The following TRIP13 variants were observed in gnomAD, a reference collection of about 807,000 sequenced individuals.
TRIP13 encodes pachytene checkpoint protein 2 homolog.
A neutral mutation model predicts 54.4 loss-of-function variants in TRIP13; 25 were observed. The observed-to-expected ratio is 0.46, with a 90% CI of 0.33 to 0.64. The LOEUF (loss-of-function observed/expected upper bound fraction) is 0.64. Among genes scored for constraint, TRIP13 ranks in the 30% least tolerant of loss-of-function variants. The pLI is 0.02. For synonymous variants in TRIP13, 207 were observed against 207.8 expected (o/e 1.00, Z 0.03); for missense variants, 373 against 534.2 (o/e 0.70, Z 2.97).
rs1391550664 is a variant in TRIP13, at chr5:911,557, C to T, written c.867-286C>T. On this transcript the variant is annotated intron_variant, in intron 9 of 12. Coordinates refer to ENST00000166345, the MANE Select transcript of TRIP13 (RefSeq NM_004237.4). This position sits in a 1 kb window ranked among gnomAD's most constrained non-coding sequence, Gnocchi z 4.7. ...CTGCACTCCAGCCTGGGCGAAAGAG[C>T]GAGACTCTGTCTCAAAAAAAAAAAA... is the stretch of plus-strand genomic sequence containing the variant. Among the ~76,000 whole-genome samples the T allele has an allele frequency of 2.0e-5, 3 of 147,950 alleles. No homozygotes were observed. The highest frequency in any genetic ancestry group is 2.2e-4 in the South Asian group (1 of 4,620).
chr5:894,510 G>A (rs1753854701), intron 1 of TRIP13, among the ~76,000 whole-genome samples: 2 of 152,210 alleles, frequency 1.3e-5, no homozygotes, highest in Admixed American at 6.5e-5. Flanking sequence ...CACTTTGAGT[G>A]TATTAATGAC....
At chr5:902,271 G>C (rs1396401187) in intron 5 of TRIP13, among the ~76,000 whole-genome samples, 1 of 152,156 alleles carries the variant, frequency 6.6e-6, no homozygotes, top group Non-Finnish European at 1.5e-5. Context: ...TGAAACTGTA[G>C]CCAAGTGTTA....
intron 1 of TRIP13, 57 bp downstream of exon 1, chr5:893,147 C>A: frequency 6.8e-7 from 1 of 1,467,520 alleles, no homozygotes. Context: ...GACCCCAGCG[C>A]GTGCACCGAG....
At chr5:896,565 C>A in intron 2 of TRIP13, 100 bp from the exon 3 acceptor site, 1 of 1,285,282 alleles carries the variant, frequency 7.8e-7, no homozygotes, top group Non-Finnish European at 1.1e-6. Flanking sequence ...TTATACTGTA[C>A]ATTCAGTTTT....
rs1050871475 is a variant in TRIP13 at position 912,460 on chromosome 5, G to A, written c.1020+464G>A. Among the ~76,000 whole-genome samples, 17 of 152,284 alleles carry A rather than the reference G, an allele frequency of 1.1e-4. No individual in the cohort carries two copies. Among genetic ancestry groups the A allele is most frequent in the South Asian group, 2.1e-4 (1 of 4,814 alleles). ...GAGTCGCCTGTTGTGATGATAGGCA[G>A]GAACACTGTTGCCGTGGGCAGAGCG... On this transcript the variant is annotated intron_variant, in intron 10 of 12. Coordinates refer to ENST00000166345, the MANE Select transcript of TRIP13 (RefSeq NM_004237.4). This position sits in a 1 kb window ranked among gnomAD's most constrained non-coding sequence, Gnocchi z 7.2.
At position 911,444 on chromosome 5, in the gene TRIP13, G is replaced by C. The variant is rs570730424; in HGVS notation, c.867-399G>C. On this transcript the variant is annotated intron_variant, in intron 9 of 12. Transcript: ENST00000166345. The surrounding 1 kb of genome is among the most constrained non-coding windows in gnomAD (Gnocchi z 4.7). ...AAATTAGCCGGGCACGGTGGCGGGCGCCTGTAGTCCCGGCTACTTGGGAGG... is the reference window on the plus strand; with the variant it reads ...AAATTAGCCGGGCACGGTGGCGGGCCCCTGTAGTCCCGGCTACTTGGGAGG... Among the ~76,000 whole-genome samples, 1 of 152,302 alleles carries C rather than the reference G, an allele frequency of 6.6e-6. No individual in the cohort carries two copies. Among genetic ancestry groups the C allele is most frequent in the Non-Finnish European group, 1.5e-5 (1 of 68,028 alleles).
At chr5:910,125 C>T (rs978670707) in intron 9 of TRIP13, among the ~76,000 whole-genome samples, 1 of 152,230 alleles carries the variant, frequency 6.6e-6, no homozygotes, top group Non-Finnish European at 1.5e-5. Flanking sequence ...CCCCACCTGG[C>T]TTGTCTCTCA....
intron 12 of TRIP13, 107 bp from the exon 13 acceptor site, chr5:916,901 C>A: frequency 1.1e-6 from 1 of 879,780 alleles, no homozygotes; most frequent in Non-Finnish European, 1.7e-6. Context: ...CAGCTACCAC[C>A]CCCTTCTGTG....
At chr5:895,424 GGC>G (rs1753893302) in intron 2 of TRIP13, among the ~76,000 whole-genome samples, 1 of 152,104 alleles carries the variant, frequency 6.6e-6, no homozygotes, top group South Asian at 2.1e-4. Context: ...TTTGTGTGAG[GGC>G]GTGGAGGCAT....
chr5:893,045 C>T lies in TRIP13; in HGVS notation c.47C>T (p.Ala16Val), dbSNP rs1193784100. 1.3e-6 allele frequency: 2 copies of T among 1,597,630 alleles called. No homozygotes were observed. The highest frequency in any genetic ancestry group is 1.7e-6 in the Non-Finnish European group (2 of 1,176,026). The change falls in exon 1 of 13, where the codon GCC (alanine) becomes GTC (valine). Residue 16 changes from alanine to valine, a missense_variant. Coordinates refer to ENST00000166345, the MANE Select transcript of TRIP13 (RefSeq NM_004237.4). Reference sequence around the variant, plus strand: ...CTGAAGCAGGCGCTTCCCTGTGTGGCCGAGTCGCCAACGGTCCACGTGGAG... The same window carrying T: ...CTGAAGCAGGCGCTTCCCTGTGTGGTCGAGTCGCCAACGGTCCACGTGGAG... ...GDLKQALPCVAESPTVHVEVH... is the reference protein window; with the variant it reads ...GDLKQALPCVVESPTVHVEVH...
rs1329484423 is a variant in TRIP13, at chr5:915,057, C to CG, written c.1133+486dup. Among the ~76,000 whole-genome samples, 12 of 151,918 alleles carry CG rather than the reference C, an allele frequency of 7.9e-5. No homozygotes were observed. In the South Asian group the frequency reaches 1.5e-3, roughly 18 times the overall value. ...GGAGGCTGGGGAGGTGCCGGAGAGG[C>CG]GGGGGGTGGAATGGACAGAGCCTCG... is the stretch of plus-strand genomic sequence containing the variant. On this transcript the variant is annotated intron_variant, in intron 11 of 12. Transcript: ENST00000166345. This position sits in a 1 kb window ranked among gnomAD's most constrained non-coding sequence, Gnocchi z 4.2.
chr5:895,960 T>C (rs1245586172), intron 2 of TRIP13, among the ~76,000 whole-genome samples: 2 of 152,172 alleles, frequency 1.3e-5, no homozygotes, highest in Non-Finnish European at 2.9e-5. Flanking sequence ...AAGAATGAAA[T>C]AGATTTCTAT....
intron 3 of TRIP13, 104 bp downstream of exon 3, chr5:896,898 T>C: frequency 7.7e-7 from 1 of 1,292,242 alleles, no homozygotes; most frequent in Non-Finnish European, 1.0e-6. Context: ...ATTTGTTTTG[T>C]AGGATTTTAG....
At chr5:895,214 T>G (rs1293781372) in intron 2 of TRIP13, among the ~76,000 whole-genome samples, 1 of 152,242 alleles carries the variant, frequency 6.6e-6, no homozygotes, top group Non-Finnish European at 1.5e-5. Flanking sequence ...AATAGTGGGC[T>G]GCGCTGGTAA....
Position 917,116 on chromosome 5 carries a change from C to G in TRIP13, c.*13C>G. The G allele has an allele frequency of 1.2e-6, 2 of 1,613,134 alleles. No individual in the cohort carries two copies. Among genetic ancestry groups the G allele is most frequent in the Non-Finnish European group, 1.7e-6 (2 of 1,179,556 alleles). On this transcript the variant is annotated 3_prime_UTR_variant, in exon 13 of 13. Coordinates refer to ENST00000166345, the MANE Select transcript of TRIP13 (RefSeq NM_004237.4). Reference sequence around the variant, plus strand: ...AGCTTACATCTGATCCTGGGCTTCCCCATCTGGTGCTTTTCCCATGGAGAA... The same window carrying G: ...AGCTTACATCTGATCCTGGGCTTCCGCATCTGGTGCTTTTCCCATGGAGAA...
chr5:906,512 G>A (rs1225520523), intron 6 of TRIP13, among the ~76,000 whole-genome samples: 4 of 152,138 alleles, frequency 2.6e-5, no homozygotes, highest in Non-Finnish European at 5.9e-5. Flanking sequence ...CTTCTTGAAC[G>A]TAATTCTTTT....
At chr5:916,871 G>A (rs896176771) in intron 12 of TRIP13, 137 bp from the exon 13 acceptor site, 17 of 623,588 alleles carry the variant, frequency 2.7e-5, no homozygotes, top group East Asian at 2.7e-4. Flanking sequence ...TGTGTGGTGC[G>A]CACTCACTGC....
chr5:896,863 T>A lies in TRIP13; in HGVS notation c.388+69T>A, dbSNP rs545038102. 108 of 1,505,686 alleles carry A rather than the reference T, an allele frequency of 7.2e-5. 1 individual carries two copies. The African/African-American group carries it at 1.5e-3, about 21-fold the overall frequency. The allele number at this position is 1,505,686 out of a possible 1,614,324, so 93.3% of individuals were successfully genotyped here. A position where few individuals can be genotyped will look rare whatever the true frequency, so the allele number is the denominator to read the frequency against. ...GATTGTATACTCCATGCCATGTCAG[T>A]TCACAGGGGGGGTTCTGTTTGTCCA... On this transcript the variant is annotated intron_variant, in intron 3 of 12. Coordinates refer to ENST00000166345, the MANE Select transcript of TRIP13 (RefSeq NM_004237.4).
rs1000596435 is a variant in TRIP13, at chr5:896,525, C to A, written c.259-140C>A. 5.0e-6 allele frequency: 4 copies of A among 804,206 alleles called. No individual in the cohort carries two copies. The South Asian group carries it at 1.0e-4, about 21-fold the overall frequency. The allele number at this position is 804,206 out of a possible 1,614,324, so 49.8% of individuals were successfully genotyped here. Reference sequence around the variant, plus strand: ...CCTCAATCTGAAATAAAATAATAGCCTTCTCATCTAATCTGAGAACTAGCT... The same window carrying A: ...CCTCAATCTGAAATAAAATAATAGCATTCTCATCTAATCTGAGAACTAGCT... On this transcript the variant is annotated intron_variant, in intron 2 of 12. Coordinates refer to ENST00000166345, the MANE Select transcript of TRIP13 (RefSeq NM_004237.4).
Sources: gnomAD v4.1 joint callset for allele counts (sites outside exome capture counted in the v4.1 genomes callset) on GRCh38, gnomAD v4.1.1 for gene constraint, Gnocchi (gnomAD v3.1) non-coding constraint, MANE v1.5 for transcripts, NCBI Gene and HGNC (gene_info 2026-07-23, HGNC 2026-07-21) for gene names.